AKAP13: variants seen among roughly 807,000 people sequenced by gnomAD.
AKAP13 encodes the protein A-kinase anchor protein 13.
Under a neutral mutation model 264.5 loss-of-function variants are expected in AKAP13, and 80 were observed. The ratio of observed to expected loss-of-function variants is 0.30; its 90% confidence interval spans 0.25 to 0.36. The LOEUF (loss-of-function observed/expected upper bound fraction) is 0.36, where lower values mean the gene tolerates loss of function less well. AKAP13 is among the 10% of genes least tolerant of loss of function. The probability of loss-of-function intolerance (pLI) is 1.00; values close to 1 mark genes in which losing one functional copy is unlikely to be tolerated. For missense variants in AKAP13, 3,712 were observed against 3,435.2 expected (o/e 1.08, Z -2.01); for synonymous variants, 1,380 against 1,250.2 (o/e 1.10, Z -2.19).
At chr15:85,472,257 A>C (rs1297618764) in intron 1 of AKAP13, among the ~76,000 whole-genome samples, 1 of 151,750 alleles carries the variant, frequency 6.6e-6, no homozygotes, top group Non-Finnish European at 1.5e-5. Flanking sequence ...CTGTAGTCCC[A>C]AGTACTCGGG....
chr15:85,534,067 A>T (rs550162059), intron 4 of AKAP13, 187 bp downstream of exon 4: 1 of 593,408 alleles, frequency 1.7e-6, no homozygotes, highest in East Asian at 3.0e-5. Flanking sequence ...GCTGTTAAGC[A>T]TGTTGTTGCA....
intron 1 of AKAP13, among the ~76,000 whole-genome samples, chr15:85,427,734 A>G (rs1207726605): frequency 6.6e-6 from 1 of 152,222 alleles, no homozygotes; most frequent in African/African-American, 2.4e-5. Flanking sequence ...CCAGTTATGG[A>G]AATATAGATG....
At chr15:85,586,353 T>TGCGCCAC (rs2079347359) in intron 8 of AKAP13, among the ~76,000 whole-genome samples, 1 of 152,090 alleles carries the variant, frequency 6.6e-6, no homozygotes, top group East Asian at 1.9e-4. Context: ...ATTACAGGCA[T>TGCGCCAC]GCGCCACCAT....
intron 36 of AKAP13, 95 bp downstream of exon 36, chr15:85,743,920 G>C: frequency 7.2e-7 from 1 of 1,395,660 alleles, no homozygotes. Flanking sequence ...TTGAAAAGGG[G>C]ACAGTTCAGA....
chr15:85,504,946 C>T (rs946878383), intron 2 of AKAP13, among the ~76,000 whole-genome samples: 2 of 152,124 alleles, frequency 1.3e-5, no homozygotes, highest in Admixed American at 1.3e-4. Flanking sequence ...ATCTCTCTCT[C>T]TCTCCCTCTC....
At chr15:85,643,508 A>G (rs1567171601) in intron 9 of AKAP13, among the ~76,000 whole-genome samples, 2 of 152,208 alleles carry the variant, frequency 1.3e-5, no homozygotes, top group Admixed American at 6.5e-5. Flanking sequence ...ACACACAGAG[A>G]CAACATAATT....
intron 1 of AKAP13, among the ~76,000 whole-genome samples, chr15:85,434,983 C>G (rs1381382996): frequency 4.0e-5 from 6 of 151,226 alleles, no homozygotes; most frequent in African/African-American, 1.2e-4. Flanking sequence ...ATGACTTTGA[C>G]GAGCTGAGAG....
intron 13 of AKAP13, among the ~76,000 whole-genome samples, chr15:85,669,125 A>T (rs1001821033): frequency 9.2e-5 from 14 of 152,128 alleles, no homozygotes; most frequent in Non-Finnish European, 1.8e-4. Flanking sequence ...AATCCCAGCT[A>T]CTCAGGAGTC....
intron 4 of AKAP13, 152 bp from the exon 5 acceptor site, chr15:85,543,620 C>A: frequency 1.2e-6 from 1 of 862,040 alleles, no homozygotes; most frequent in Non-Finnish European, 1.7e-6. Context: ...TCTACCTGGC[C>A]ACAATAAAGC....
chr15:85,561,785 T>G (rs1481153487), intron 5 of AKAP13, among the ~76,000 whole-genome samples: 1 of 152,158 alleles, frequency 6.6e-6, no homozygotes, highest in Admixed American at 6.5e-5. Flanking sequence ...AAGTAGCCCC[T>G]CAGGATGAAA....
intron 23 of AKAP13, among the ~76,000 whole-genome samples, chr15:85,721,382 A>G (rs1165503647): frequency 6.6e-6 from 1 of 152,232 alleles, no homozygotes; most frequent in Non-Finnish European, 1.5e-5. Flanking sequence ...GGAGGTTTGT[A>G]GTACATGGAA....
chr15:85,668,080 C>G (rs2083703443), intron 13 of AKAP13, among the ~76,000 whole-genome samples: 1 of 152,194 alleles, frequency 6.6e-6, no homozygotes, highest in Non-Finnish European at 1.5e-5. Context: ...TTGTTTCACT[C>G]TGATCTAGAC....
intron 3 of AKAP13, among the ~76,000 whole-genome samples, chr15:85,530,580 TCATC>T (rs1056770497): frequency 6.6e-6 from 1 of 152,238 alleles, no homozygotes; most frequent in African/African-American, 2.4e-5. Flanking sequence ...ACTTGCATCA[TCATC>T]ATCATTGAAT....
intron 8 of AKAP13, among the ~76,000 whole-genome samples, chr15:85,602,704 G>C (rs1413816403): frequency 1.3e-5 from 2 of 151,986 alleles, no homozygotes; most frequent in East Asian, 3.9e-4. Flanking sequence ...TGGCCAGCCT[G>C]GTCTTGAACT....
At chr15:85,391,895 C>G (rs2070878064) in intron 1 of AKAP13, among the ~76,000 whole-genome samples, 3 of 152,070 alleles carry the variant, frequency 2.0e-5, no homozygotes, top group African/African-American at 7.2e-5. Flanking sequence ...AGCAATTCTC[C>G]TGCCTCAGCC....
intron 17 of AKAP13, among the ~76,000 whole-genome samples, chr15:85,695,346 G>A (rs2085506677): frequency 6.6e-6 from 1 of 152,210 alleles, no homozygotes; most frequent in Non-Finnish European, 1.5e-5. Flanking sequence ...GGAGGTTGCA[G>A]TGAGCTGAGA....
At chr15:85,523,058 C>CT (rs1306784256) in intron 3 of AKAP13, among the ~76,000 whole-genome samples, 6 of 151,792 alleles carry the variant, frequency 4.0e-5, no homozygotes, top group Admixed American at 6.6e-5. Flanking sequence ...CTTGAAAGAC[C>CT]TTTTTTTACT....
intron 16 of AKAP13, among the ~76,000 whole-genome samples, chr15:85,686,431 T>C (rs1359589549): frequency 6.6e-6 from 1 of 152,154 alleles, no homozygotes; most frequent in Non-Finnish European, 1.5e-5. Context: ...GTTTAGCAAA[T>C]ACATTCAAAG....
Position 85,380,726 on chromosome 15 carries a change from T to C in AKAP13, c.-84T>C, listed in dbSNP as rs927284469. 2.6e-5 allele frequency: 4 copies of C among 152,648 alleles called. No individual in the cohort carries two copies. The highest frequency in any genetic ancestry group is 5.9e-5 in the Non-Finnish European group (4 of 68,058). 9.5% of individuals were successfully genotyped at this position (152,648 alleles called of 1,614,324 possible). On this transcript the variant is annotated 5_prime_UTR_variant, in exon 1 of 37. Transcript: ENST00000394518. ...AGCCGCCTCCGGGGGAGCGGCCGCCTATTGTCTTTCTCCGCGGCGAAGGTG... is the reference window on the plus strand; with the variant it reads ...AGCCGCCTCCGGGGGAGCGGCCGCCCATTGTCTTTCTCCGCGGCGAAGGTG...
Sources: gnomAD v4.1 joint callset for allele counts (sites outside exome capture counted in the v4.1 genomes callset) on GRCh38, gnomAD v4.1.1 for gene constraint, MANE v1.5 for transcripts, NCBI Gene and HGNC (gene_info 2026-07-23, HGNC 2026-07-21) for gene names.